CEP128: variants seen among roughly 807,000 people sequenced by gnomAD.
CEP128 encodes centrosomal protein 128kDa.
In CEP128, 132 loss-of-function variants were observed where a neutral mutation model predicts 156.7. The ratio of observed to expected loss-of-function variants is 0.84; its 90% CI spans 0.73 to 0.97. The LOEUF is 0.97. Among genes scored for constraint, CEP128 ranks in the 50% least tolerant of loss-of-function variants. The pLI, the probability that CEP128 is intolerant of heterozygous loss-of-function variation, is 0.00. For synonymous variants in CEP128, 469 were observed against 448.9 expected (o/e 1.04, Z -0.57); for missense variants, 1,252 against 1,281.9 (o/e 0.98, Z 0.36).
intron 2 of CEP128, among the ~76,000 whole-genome samples, chr14:80,930,894 T>C (rs973572762): frequency 5.3e-5 from 8 of 152,206 alleles, no homozygotes; most frequent in African/African-American, 1.4e-4. Context: ...CTAAGGACAT[T>C]TGTCATGAAC....
intron 19 of CEP128, among the ~76,000 whole-genome samples, chr14:80,718,037 T>G (rs1353604683): frequency 3.9e-5 from 6 of 152,160 alleles, no homozygotes; most frequent in Non-Finnish European, 8.8e-5. Flanking sequence ...ATGTTTTGTT[T>G]GTTTGTTTTC....
chr14:80,577,261 T>C (rs1238345545), intron 20 of CEP128, among the ~76,000 whole-genome samples: 2 of 152,172 alleles, frequency 1.3e-5, no homozygotes, highest in African/African-American at 4.8e-5. Flanking sequence ...TGACTTTTAG[T>C]ATCATTCTTA....
At chr14:80,562,591 T>G (rs940920122) in intron 20 of CEP128, among the ~76,000 whole-genome samples, 2 of 151,984 alleles carry the variant, frequency 1.3e-5, no homozygotes, top group African/African-American at 4.8e-5. Flanking sequence ...ATATAAAAAA[T>G]TATGCTACTG....
At chr14:80,946,986 T>G (rs1273054452) in intron 2 of CEP128, among the ~76,000 whole-genome samples, 1 of 152,186 alleles carries the variant, frequency 6.6e-6, no homozygotes, top group Non-Finnish European at 1.5e-5. Flanking sequence ...CACTCTCCCT[T>G]TCTCCCACTC....
At chr14:80,686,529 A>C (rs1044357467) in intron 19 of CEP128, among the ~76,000 whole-genome samples, 15 of 152,168 alleles carry the variant, frequency 9.9e-5, no homozygotes, top group Non-Finnish European at 1.5e-4. Context: ...AAGTCTGTAA[A>C]ATAACCAGTT....
At chr14:80,817,741 T>C (rs1372872734) in intron 13 of CEP128, among the ~76,000 whole-genome samples, 1 of 151,618 alleles carries the variant, frequency 6.6e-6, no homozygotes, top group Non-Finnish European at 1.5e-5. Flanking sequence ...ATTAGCCAGG[T>C]GTGGTGGCAC....
chr14:80,877,335 G>T (rs182295533), intron 8 of CEP128, among the ~76,000 whole-genome samples: 288 of 152,192 alleles, frequency 1.9e-3, no homozygotes, highest in Non-Finnish European at 3.6e-3. Context: ...TACATTAAAT[G>T]TAATACAGCA....
chr14:80,761,703 G>T, intron 16 of CEP128, 90 bp from the exon 17 acceptor site: 4 of 865,902 alleles, frequency 4.6e-6, no homozygotes, highest in East Asian at 2.5e-5. Flanking sequence ...ACTAGAAGTG[G>T]ATTTGAAAAG....
intron 21 of CEP128, among the ~76,000 whole-genome samples, chr14:80,531,449 CTT>C (rs1301051687): frequency 1.3e-5 from 2 of 152,192 alleles, no homozygotes; most frequent in African/African-American, 4.8e-5. Context: ...AAGTCAATAA[CTT>C]ATTACACAGT....
intron 16 of CEP128, among the ~76,000 whole-genome samples, chr14:80,764,036 C>T (rs771224257): frequency 2.0e-4 from 30 of 152,184 alleles, no homozygotes; most frequent in Non-Finnish European, 3.8e-4. Flanking sequence ...TCTTTTCTCA[C>T]TTCCCTCAAA....
chr14:80,683,285 G>C (rs1896394550), intron 19 of CEP128, among the ~76,000 whole-genome samples: 1 of 152,012 alleles, frequency 6.6e-6, no homozygotes, highest in Admixed American at 6.6e-5. Context: ...ATATTATTTT[G>C]CAAATGGAAA....
intron 16 of CEP128, among the ~76,000 whole-genome samples, chr14:80,764,186 T>A (rs943253004): frequency 1.3e-5 from 2 of 152,174 alleles, no homozygotes; most frequent in Non-Finnish European, 2.9e-5. Context: ...AAGTTCGGTC[T>A]CTTTAGAAAA....
downstream of CEP128, among the ~76,000 whole-genome samples, chr14:80,485,614 T>A (rs1021973322): frequency 4.6e-5 from 7 of 152,176 alleles, no homozygotes; most frequent in African/African-American, 1.7e-4. Flanking sequence ...TTCTTAAAAA[T>A]CACAAGGTTA....
chr14:80,756,937 A>G lies in CEP128; in HGVS notation c.2568T>C (p.Gly856=). Reference sequence around the variant, plus strand: ...GATGTGGGTCATAATGTATATCAGGACCAGATGAAAAAACCTACAAAAGAG... The same window carrying G: ...GATGTGGGTCATAATGTATATCAGGGCCAGATGAAAAAACCTACAAAAGAG... The part of the protein sequence containing the change: ...SVEKLKVFSS[G]PDIHYDPHRW... The change falls in exon 18 of 25, where the codon GGT becomes GGC. Residue 856 remains glycine, a synonymous_variant. Transcript: ENST00000555265. The G allele has an allele frequency of 6.3e-7, 1 of 1,599,056 alleles. No individual in the cohort carries two copies. The highest frequency in any genetic ancestry group is 8.6e-7 in the Non-Finnish European group (1 of 1,168,760).
intron 19 of CEP128, among the ~76,000 whole-genome samples, chr14:80,665,568 A>G (rs1397413945): frequency 1.5e-4 from 23 of 152,176 alleles, no homozygotes; most frequent in Admixed American, 1.5e-3. Context: ...CTCCATATAA[A>G]GAAAAAGGGG....
chr14:80,485,648 CT>C (rs927831781), downstream of CEP128, among the ~76,000 whole-genome samples: 1 of 152,196 alleles, frequency 6.6e-6, no homozygotes, highest in East Asian at 1.9e-4. Flanking sequence ...ATAATAGAGA[CT>C]TTTTTAGCCA....
chr14:80,531,566 A>G (rs929253740), intron 21 of CEP128, among the ~76,000 whole-genome samples: 1 of 152,236 alleles, frequency 6.6e-6, no homozygotes, highest in African/African-American at 2.4e-5. Flanking sequence ...ATGGTAAAAT[A>G]ATCTTGAGAC....
chr14:80,580,492 C>G (rs564482547), intron 19 of CEP128, 69 bp from the exon 20 acceptor site: 5 of 871,018 alleles, frequency 5.7e-6, no homozygotes, highest in Non-Finnish European at 5.7e-6. Flanking sequence ...TCATCAAATG[C>G]AATTCAGCCA....
At chr14:80,617,767 C>T (rs1042748179) in intron 19 of CEP128, among the ~76,000 whole-genome samples, 1 of 152,072 alleles carries the variant, frequency 6.6e-6, no homozygotes, top group African/African-American at 2.4e-5. Context: ...CATGGTGAGA[C>T]CCGCCTGGGC....
Sources: gnomAD v4.1 joint callset for allele counts (sites outside exome capture counted in the v4.1 genomes callset) on GRCh38, gnomAD v4.1.1 for gene constraint, MANE v1.5 for transcripts, NCBI Gene and HGNC (gene_info 2026-07-23, HGNC 2026-07-21) for gene names.